UBR2: variants seen among roughly 807,000 people sequenced by gnomAD.
The protein encoded by UBR2 is ubiquitin protein ligase E3 component n-recognin 2.
UBR2 carries 92 observed loss-of-function variants against 247.9 expected under a neutral mutation model. That is an observed-to-expected ratio of 0.37 (90% CI 0.31 to 0.44). The LOEUF (loss-of-function observed/expected upper bound fraction) is 0.44. UBR2 is among the 20% of genes least tolerant of loss of function. The pLI, the probability that UBR2 is intolerant of heterozygous loss-of-function variation, is 1.00. For synonymous variants in UBR2, 672 were observed against 693.5 expected (o/e 0.97, Z 0.49); for missense variants, 1,613 against 2,112.6 (o/e 0.76, Z 4.64).
chr6:42,633,790 G>A (rs148238724), intron 13 of UBR2, among the ~76,000 whole-genome samples: 165 of 152,184 alleles, frequency 1.1e-3, no homozygotes, highest in African/African-American at 3.7e-3. Context: ...GAGTACAATG[G>A]CACAATCCTG....
Position 42,588,383 on chromosome 6 carries a change from A to G in UBR2, c.339-3768A>G, listed in dbSNP as rs375319387. ...GTTCATTAAACTTTGTCGAATTTTT[A>G]TAGGGGCCAGGCATGGTGGCTCATA... On this transcript the variant is annotated intron_variant, in intron 2 of 46. Coordinates refer to ENST00000372901, the MANE Select transcript of UBR2 (RefSeq NM_001363705.2). 2.2e-3 allele frequency among the ~76,000 whole-genome samples: 332 copies of G among 152,308 alleles called. 3 individuals carry two copies. The highest frequency in any genetic ancestry group is 1.5e-3 in the Non-Finnish European group (101 of 68,024).
intron 3 of UBR2, 125 bp downstream of exon 3, chr6:42,592,354 A>C (rs1472547506): frequency 1.5e-6 from 1 of 646,488 alleles, no homozygotes; most frequent in Non-Finnish European, 2.4e-6. Flanking sequence ...CAGTGTGTTT[A>C]TTTAAATACC....
chr6:42,577,513 T>C (rs1791601091), intron 2 of UBR2, among the ~76,000 whole-genome samples: 1 of 152,212 alleles, frequency 6.6e-6, no homozygotes, highest in African/African-American at 2.4e-5. Flanking sequence ...GCACTTGTTA[T>C]TCGTTATTAA....
chr6:42,574,781 C>T (rs1357376747), intron 2 of UBR2, among the ~76,000 whole-genome samples: 1 of 151,860 alleles, frequency 6.6e-6, no homozygotes, highest in Non-Finnish European at 1.5e-5. Context: ...CTGCAACCTC[C>T]ACCTGCCAGG....
chr6:42,601,236 G>A (rs1251975061), intron 4 of UBR2, among the ~76,000 whole-genome samples: 3 of 152,120 alleles, frequency 2.0e-5, no homozygotes, highest in Non-Finnish European at 2.9e-5. Flanking sequence ...TTCTATTTTG[G>A]TGTAGTATGA....
chr6:42,614,443 CATAT>C (rs1399816863), intron 8 of UBR2, among the ~76,000 whole-genome samples: 9 of 139,836 alleles, frequency 6.4e-5, no homozygotes, highest in Admixed American at 1.4e-4. Flanking sequence ...TATGTACGTA[CATAT>C]ATATGTATGG....
intron 1 of UBR2, among the ~76,000 whole-genome samples, chr6:42,567,197 AAGG>A (rs78083551): frequency 0.068 from 10,362 of 152,236 alleles, 487 homozygotes; most frequent in Middle Eastern, 0.13. Flanking sequence ...TTCCTGTTAT[AAGG>A]AGGAAGAACT....
At chr6:42,640,419 T>TA in intron 16 of UBR2, 149 bp downstream of exon 16, 14 of 524,434 alleles carry the variant, frequency 2.7e-5, no homozygotes, top group Non-Finnish European at 3.6e-5. Flanking sequence ...TGTGTGTGTG[T>TA]GTGTGTGTGT....
chr6:42,673,734 C>T (rs1245626981), intron 36 of UBR2, 57 bp from the exon 37 acceptor site: 3 of 1,331,512 alleles, frequency 2.3e-6, no homozygotes, highest in Admixed American at 1.7e-5. Context: ...ACTAGCATTC[C>T]TGAAAGAGAA....
intron 2 of UBR2, among the ~76,000 whole-genome samples, chr6:42,588,782 C>T (rs182991313): frequency 1.3e-5 from 2 of 152,300 alleles, no homozygotes; most frequent in East Asian, 1.9e-4. Context: ...CCCTCTTGGT[C>T]GTGGTCTTTC....
intron 15 of UBR2, 46 bp downstream of exon 15, chr6:42,637,240 T>G (rs1796153743): frequency 1.3e-6 from 2 of 1,571,588 alleles, no homozygotes; most frequent in South Asian, 2.3e-5. Flanking sequence ...ATCTTTTAAA[T>G]TGTTGTTTGT....
At chr6:42,564,609 A>G (rs1790669548) in intron 1 of UBR2, among the ~76,000 whole-genome samples, 1 of 152,168 alleles carries the variant, frequency 6.6e-6, no homozygotes, top group African/African-American at 2.4e-5. Flanking sequence ...CTGTGCACTA[A>G]CTACGTTTAC....
At chr6:42,617,142 T>C in intron 10 of UBR2, 1 of 976,650 alleles carries the variant, frequency 1.0e-6, no homozygotes. Flanking sequence ...CTCATAGCAG[T>C]GTTATCTTCT....
chr6:42,612,953 T>C (rs1794185731), intron 8 of UBR2, among the ~76,000 whole-genome samples: 1 of 152,056 alleles, frequency 6.6e-6, no homozygotes. Flanking sequence ...ATACAAAAAT[T>C]AGCCAGGCGT....
intron 11 of UBR2, chr6:42,619,427 ATATATATATATATATATATATATATATT>A (rs1419303398): frequency 2.1e-4 from 3 of 14,146 alleles, no homozygotes; most frequent in African/African-American, 3.1e-4. Flanking sequence ...ATATATATAT[ATATATATATATATATATATATATATATT>A]TTTTTTTTTT....
At chr6:42,604,129 AT>A (rs1331526282) in intron 5 of UBR2, among the ~76,000 whole-genome samples, 1 of 152,240 alleles carries the variant, frequency 6.6e-6, no homozygotes, top group African/African-American at 2.4e-5. Flanking sequence ...AATTTTAATC[AT>A]TTTGATTCGA....
rs1184573663 is a variant in UBR2, at chr6:42,645,369, A to G, written c.2285-97A>G. Reference sequence around the variant, plus strand: ...ACTTTCCCATTGCTCAGACAGACTTAGAGAAATATAACATGCTGCATGAAT... The same window carrying G: ...ACTTTCCCATTGCTCAGACAGACTTGGAGAAATATAACATGCTGCATGAAT... On this transcript the variant is annotated intron_variant, in intron 20 of 46. Coordinates refer to ENST00000372901, the MANE Select transcript of UBR2 (RefSeq NM_001363705.2). 4 of 1,171,012 alleles carry G rather than the reference A, an allele frequency of 3.4e-6. No homozygotes were observed. The African/African-American group carries it at 6.2e-5, about 18-fold the overall frequency. The allele number at this position is 1,171,012 out of a possible 1,614,324, so 72.5% of individuals were successfully genotyped here. A position where few individuals can be genotyped will look rare whatever the true frequency, so the allele number is the denominator to read the frequency against.
At chr6:42,613,020 G>A (rs1794190321) in intron 8 of UBR2, among the ~76,000 whole-genome samples, 1 of 152,008 alleles carries the variant, frequency 6.6e-6, no homozygotes, top group South Asian at 2.1e-4. Flanking sequence ...AGAATCACTT[G>A]AACCCAGGAA....
intron 4 of UBR2, among the ~76,000 whole-genome samples, chr6:42,602,438 G>A (rs1354449472): frequency 6.6e-6 from 1 of 151,372 alleles, no homozygotes; most frequent in Non-Finnish European, 1.5e-5. Context: ...TCCTGACCTC[G>A]CGATCCGCCT....
Sources: gnomAD v4.1 joint callset for allele counts (sites outside exome capture counted in the v4.1 genomes callset) on GRCh38, gnomAD v4.1.1 for gene constraint, MANE v1.5 for transcripts, NCBI Gene and HGNC (gene_info 2026-07-23, HGNC 2026-07-21) for gene names.